CCDC32: variants seen among roughly 807,000 people sequenced by gnomAD.
CCDC32 encodes the protein coiled-coil domain-containing protein 32.
A neutral mutation model predicts 20.1 loss-of-function variants in CCDC32; 9 were observed. That is an observed-to-expected ratio of 0.45 (90% CI 0.27 to 0.78). The LOEUF is 0.78. CCDC32 is among the 30% of genes least tolerant of loss of function. CCDC32 has a pLI of 0.16. For missense variants in CCDC32, 204 were observed against 215.5 expected (o/e 0.95, Z 0.33); for synonymous variants, 63 against 79.0 (o/e 0.80, Z 1.07).
intron 3 of CCDC32, among the ~76,000 whole-genome samples, chr15:40,529,248 C>A (rs1888808506): frequency 6.6e-6 from 1 of 152,180 alleles, no homozygotes; most frequent in African/African-American, 2.4e-5. Context: ...TTTCAGATGA[C>A]AGAGGTCCGA....
chr15:40,532,162 G>C, downstream of CCDC32: 2 of 571,488 alleles, frequency 3.5e-6, no homozygotes, highest in South Asian at 4.6e-5. Context: ...ACTTGACCAT[G>C]TGTTTCTTCA....
At chr15:40,544,693 A>T (rs764081006) in intron 3 of CCDC32, among the ~76,000 whole-genome samples, 2 of 151,994 alleles carry the variant, frequency 1.3e-5, no homozygotes, top group African/African-American at 2.4e-5. Flanking sequence ...AACTGAAGCC[A>T]GCTCTATATG....
downstream of CCDC32, chr15:40,534,997 T>C (rs1212578453): frequency 4.3e-6 from 3 of 703,692 alleles, no homozygotes; most frequent in South Asian, 1.5e-5. Context: ...GACTTGATCT[T>C]CCCGAGCCCA....
At chr15:40,547,875 G>A (rs1359938892) in intron 3 of CCDC32, among the ~76,000 whole-genome samples, 2 of 152,188 alleles carry the variant, frequency 1.3e-5, no homozygotes, top group Non-Finnish European at 1.5e-5. Flanking sequence ...AACCCCAGGG[G>A]AGGCCTGTAC....
downstream of CCDC32, chr15:40,534,646 A>G (rs1889031461): frequency 1.2e-5 from 5 of 429,014 alleles, no homozygotes; most frequent in South Asian, 1.5e-4. Context: ...GGATTGGGAC[A>G]CAGCCAAACC....
intron 3 of CCDC32, among the ~76,000 whole-genome samples, chr15:40,546,058 A>G (rs1177540991): frequency 6.6e-6 from 1 of 152,164 alleles, no homozygotes; most frequent in Non-Finnish European, 1.5e-5. Flanking sequence ...AGTTCAGAGA[A>G]TTTTTATTGA....
At chr15:40,528,697 G>A in exon 4 of CCDC32, 1 of 697,494 alleles carries the variant, frequency 1.4e-6, no homozygotes, top group Non-Finnish European at 2.6e-6. Flanking sequence ...GATTATATGG[G>A]TGCAGGCCTT....
chr15:40,540,768 G>C (rs140703779), intron 3 of CCDC32, among the ~76,000 whole-genome samples: 38 of 152,288 alleles, frequency 2.5e-4, no homozygotes, highest in African/African-American at 8.7e-4. Context: ...AGTGTGAAAG[G>C]ACAGTAGAGT....
At chr15:40,542,884 G>C (rs960405311) in intron 3 of CCDC32, among the ~76,000 whole-genome samples, 3 of 151,392 alleles carry the variant, frequency 2.0e-5, no homozygotes, top group Non-Finnish European at 4.4e-5. Context: ...CTGGCCAGGT[G>C]GGGTGGCTCA....
At chr15:40,545,168 A>G (rs1889563797) in intron 3 of CCDC32, among the ~76,000 whole-genome samples, 1 of 152,206 alleles carries the variant, frequency 6.6e-6, no homozygotes, top group African/African-American at 2.4e-5. Context: ...TGCCTTGATC[A>G]GGCACCATGC....
chr15:40,551,839 G>C (rs925553848), downstream of CCDC32, among the ~76,000 whole-genome samples: 1 of 117,986 alleles, frequency 8.5e-6, no homozygotes, highest in Non-Finnish European at 1.7e-5. Context: ...AAAAAAAAAG[G>C]TTAACCATTA....
downstream of CCDC32, among the ~76,000 whole-genome samples, chr15:40,549,735 C>T (rs73384343): frequency 0.012 from 1,760 of 152,312 alleles, 27 homozygotes; most frequent in African/African-American, 0.04. Flanking sequence ...AGTAAACAGC[C>T]CTCGCACAAA....
downstream of CCDC32, among the ~76,000 whole-genome samples, chr15:40,550,079 C>T (rs1889784497): frequency 6.6e-6 from 1 of 152,180 alleles, no homozygotes; most frequent in Admixed American, 6.5e-5. Context: ...CTGATCTTGC[C>T]AGGCGCTGAG....
downstream of CCDC32, chr15:40,532,106 G>T: frequency 2.0e-6 from 1 of 508,032 alleles, no homozygotes; most frequent in Non-Finnish European, 3.5e-6. Context: ...GTTCTATTAT[G>T]GGTTCTCGCT....
chr15:40,564,638 C>A, intron 1 of CCDC32: 1 of 1,313,978 alleles, frequency 7.6e-7, no homozygotes, highest in South Asian at 1.2e-5. Context: ...AGAGCCCAGC[C>A]AGCGTAAAGG....
downstream of CCDC32, chr15:40,532,045 T>C (rs1888897269): frequency 4.9e-6 from 2 of 412,090 alleles, no homozygotes; most frequent in Non-Finnish European, 8.7e-6. Flanking sequence ...TCTGTGCTAA[T>C]GTCCACGAAG....
chr15:40,531,782 T>C (rs1195194338), downstream of CCDC32: 2 of 152,014 alleles, frequency 1.3e-5, no homozygotes, highest in Non-Finnish European at 2.9e-5. Context: ...ACTTGGCTAA[T>C]TTTTTTTAGA....
At position 40,553,712 on chromosome 15, in the gene CCDC32, T is replaced by G; in HGVS notation, c.*259A>C. ...TGTGAGACACAGAGGAAAGCAGCAT[T>G]TTGATCCAGTGTGCACTGGGTCAGT... On this transcript the variant is annotated 3_prime_UTR_variant, in exon 4 of 4. Coordinates refer to ENST00000416810, the MANE Select transcript of CCDC32 (RefSeq NM_001080792.4). The G allele has an allele frequency of 8.0e-7, 1 of 1,244,738 alleles. No homozygotes were observed. 77.1% of individuals were successfully genotyped at this position (1,244,738 alleles called of 1,614,324 possible).
downstream of CCDC32, among the ~76,000 whole-genome samples, chr15:40,551,136 A>G (rs1889837972): frequency 6.6e-6 from 1 of 152,116 alleles, no homozygotes; most frequent in African/African-American, 2.4e-5. Flanking sequence ...TAATCCCACC[A>G]CTTTGGGAGG....
Sources: gnomAD v4.1 joint callset for allele counts (sites outside exome capture counted in the v4.1 genomes callset) on GRCh38, gnomAD v4.1.1 for gene constraint, MANE v1.5 for transcripts, NCBI Gene and HGNC (gene_info 2026-07-23, HGNC 2026-07-21) for gene names.